The following HAUS8 variants were observed in gnomAD, a reference collection of about 807,000 sequenced individuals.
The protein encoded by HAUS8 is HAUS augmin-like complex subunit 8.
HAUS8 carries 38 observed loss-of-function variants against 42.9 expected under a neutral mutation model. That is an observed-to-expected ratio of 0.89 (90% CI 0.68 to 1.16). The LOEUF (loss-of-function observed/expected upper bound fraction) is 1.16, where lower values mean the gene tolerates loss of function less well. Among genes scored for constraint, HAUS8 ranks in the 50% most tolerant of loss-of-function variants. The pLI, the probability that HAUS8 is intolerant of heterozygous loss-of-function variation, is 0.00. For synonymous variants in HAUS8, 199 were observed against 205.8 expected (o/e 0.97, Z 0.28); for missense variants, 494 against 511.6 (o/e 0.97, Z 0.33).
At chr19:17,053,072 G>T in intron 9 of HAUS8, 106 bp from the exon 10 acceptor site, 1 of 1,367,928 alleles carries the variant, frequency 7.3e-7, no homozygotes, top group Non-Finnish European at 1.0e-6. Context: ...CGGCTATCGC[G>T]CTGGAACCGT....
intron 1 of HAUS8, chr19:17,075,191 C>T (rs2057461785): frequency 1.8e-6 from 1 of 570,674 alleles, no homozygotes; most frequent in Non-Finnish European, 3.1e-6. Context: ...CAGCCGAGGA[C>T]GCGGAACTCA....
rs182302540 is a variant in HAUS8, at chr19:17,062,206, C to T, written c.229+492G>A. Among the ~76,000 whole-genome samples the T allele has an allele frequency of 1.2e-4, 19 of 152,310 alleles. 1 individual carries two copies. The highest frequency in any genetic ancestry group is 5.2e-4 in the Admixed American group (8 of 15,300). ...AGCAATCTCGGCTCACTGCAACCTC[C>T]GCCTCCCAGGTTCAAGCGATTCGCC... is the stretch of plus-strand genomic sequence containing the variant. On this transcript the variant is annotated intron_variant, in intron 4 of 10. Transcript: ENST00000253669.
intron 10 of HAUS8, among the ~76,000 whole-genome samples, chr19:17,050,970 T>C (rs1161134439): frequency 6.6e-6 from 1 of 151,516 alleles, no homozygotes. Flanking sequence ...TGGGGTGGGA[T>C]GATCGCTTGA....
chr19:17,061,644 G>A (rs544913828), intron 4 of HAUS8, among the ~76,000 whole-genome samples: 8 of 152,298 alleles, frequency 5.3e-5, no homozygotes, highest in African/African-American at 1.7e-4. Flanking sequence ...CCTTCCTTGC[G>A]GTGGTGGGGG....
chr19:17,060,615 C>A (rs1210330136), intron 4 of HAUS8, among the ~76,000 whole-genome samples: 1 of 152,160 alleles, frequency 6.6e-6, no homozygotes, highest in Non-Finnish European at 1.5e-5. Flanking sequence ...ACCATGTTGG[C>A]CAGGCTGGTC....
intron 3 of HAUS8, among the ~76,000 whole-genome samples, chr19:17,068,819 C>T (rs984880718): frequency 6.6e-6 from 1 of 152,060 alleles, no homozygotes; most frequent in African/African-American, 2.4e-5. Context: ...ATCACAGCTT[C>T]GTAAAAGAGA....
At position 17,056,035 on chromosome 19, in the gene HAUS8, T is replaced by G. The variant is rs756017296; in HGVS notation, c.646-33A>C. On this transcript the variant is annotated intron_variant, in intron 8 of 10. Transcript: ENST00000253669. ...CAGAAGGGATAATCAGGGGAGACCC[T>G]GGAGTCCCCTCTCTGGAAACTTAAC... The G allele has an allele frequency of 3.7e-6, 6 of 1,608,660 alleles. No homozygotes were observed. The Admixed American group carries it at 1.0e-4, about 27-fold the overall frequency.
intron 3 of HAUS8, among the ~76,000 whole-genome samples, chr19:17,066,242 A>G (rs1235479422): frequency 6.6e-6 from 1 of 151,830 alleles, no homozygotes; most frequent in East Asian, 1.9e-4. Flanking sequence ...CTAAGTCACC[A>G]TGCCCAGCCA....
At chr19:17,059,154 C>T (rs146243159) in intron 6 of HAUS8, among the ~76,000 whole-genome samples, 1 of 152,310 alleles carries the variant, frequency 6.6e-6, no homozygotes, top group Non-Finnish European at 1.5e-5. Context: ...TGAGAATACC[C>T]ACCAATTTGG....
chr19:17,064,270 C>G (rs985961584), intron 3 of HAUS8, among the ~76,000 whole-genome samples: 2 of 152,202 alleles, frequency 1.3e-5, no homozygotes, highest in East Asian at 3.8e-4. Flanking sequence ...AGAAGCATAC[C>G]ATGTTCATGG....
rs1442539602 is a variant in HAUS8 at position 17,049,971 on chromosome 19, C to CGG, written c.1133_1134dup (p.Ala379ProfsTer52). On this transcript the variant is annotated frameshift_variant, in exon 11 of 11. Transcript: ENST00000253669. LOFTEE classifies it low-confidence loss of function (END_TRUNC). ...CTTGGGCTGATGAACGTGGCCTGAG[C>CGG]GGGGGCTGACGAGGCACCCGGGTTG... 1 of 1,597,474 alleles carries CGG rather than the reference C, an allele frequency of 6.3e-7. No individual in the cohort carries two copies. The highest frequency in any genetic ancestry group is 8.5e-7 in the Non-Finnish European group (1 of 1,172,502).
chr19:17,055,223 C>T (rs2057318033), intron 9 of HAUS8: 1 of 97,728 alleles, frequency 1.0e-5, no homozygotes, highest in African/African-American at 4.2e-5. Flanking sequence ...ACGTGTACTC[C>T]TAGCTACTCA....
At chr19:17,063,770 T>C (rs1275486879) in intron 3 of HAUS8, among the ~76,000 whole-genome samples, 1 of 152,174 alleles carries the variant, frequency 6.6e-6, no homozygotes, top group Non-Finnish European at 1.5e-5. Context: ...CCTGCTTGCC[T>C]GGTTGAGCTG....
intron 7 of HAUS8, 35 bp downstream of exon 7, chr19:17,058,776 A>C (rs1304774481): frequency 1.2e-6 from 2 of 1,609,952 alleles, no homozygotes; most frequent in South Asian, 2.2e-5. Context: ...CCACCCTTCC[A>C]TCCATGGCAT....
chr19:17,063,080 G>A (rs2057370193), intron 3 of HAUS8, among the ~76,000 whole-genome samples: 2 of 152,156 alleles, frequency 1.3e-5, no homozygotes, highest in African/African-American at 4.8e-5. Flanking sequence ...TTTCCAGAGA[G>A]AACATATAAC....
chr19:17,066,485 A>C (rs989421043), intron 3 of HAUS8, among the ~76,000 whole-genome samples: 6 of 152,270 alleles, frequency 3.9e-5, no homozygotes, highest in Middle Eastern at 3.4e-3. Context: ...ACTGAACCCA[A>C]AGAGGGGGGT....
chr19:17,071,765 G>A (rs1185074733), intron 2 of HAUS8, among the ~76,000 whole-genome samples: 4 of 152,122 alleles, frequency 2.6e-5, no homozygotes, highest in Admixed American at 1.3e-4. Context: ...GGGAGGCCGA[G>A]GTGGACGGAT....
chr19:17,065,286 C>T (rs140265321), intron 3 of HAUS8, among the ~76,000 whole-genome samples: 128 of 152,276 alleles, frequency 8.4e-4, no homozygotes, highest in African/African-American at 2.3e-3. Context: ...GAGATGTTTT[C>T]ATCTACAACT....
At chr19:17,075,151 A>G in intron 1 of HAUS8, 1 of 550,924 alleles carries the variant, frequency 1.8e-6, no homozygotes, top group Non-Finnish European at 3.3e-6. Context: ...CTGGGCGGTC[A>G]GGCCGCTTGC....
Sources: gnomAD v4.1 joint callset for allele counts (sites outside exome capture counted in the v4.1 genomes callset) on GRCh38, gnomAD v4.1.1 for gene constraint, MANE v1.5 for transcripts, NCBI Gene and HGNC (gene_info 2026-07-23, HGNC 2026-07-21) for gene names.